ANGPT4: variants seen among roughly 807,000 people sequenced by gnomAD.
The protein encoded by ANGPT4 is angiopoietin-4.
A neutral mutation model predicts 53.0 loss-of-function variants in ANGPT4; 50 were observed. The observed-to-expected ratio is 0.94, with a 90% CI of 0.75 to 1.20. ANGPT4 has a LOEUF of 1.20. ANGPT4 is among the 50% of genes most tolerant of loss of function. The pLI, the probability that ANGPT4 is intolerant of heterozygous loss-of-function variation, is 0.00. For missense variants in ANGPT4, 648 were observed against 637.1 expected, an observed-to-expected ratio of 1.02 and a Z score of -0.18; for synonymous variants, 251 against 259.7, an observed-to-expected ratio of 0.97 and a Z score of 0.32.
intron 4 of ANGPT4, among the ~76,000 whole-genome samples, chr20:882,822 A>G (rs2122777354): frequency 6.6e-6 from 1 of 152,356 alleles, no homozygotes; most frequent in South Asian, 2.1e-4. Flanking sequence ...CAATAATATC[A>G]ACACAAAAAG....
At chr20:893,520 C>G (rs1340202849) in intron 1 of ANGPT4, among the ~76,000 whole-genome samples, 5 of 152,226 alleles carry the variant, frequency 3.3e-5, no homozygotes, top group Non-Finnish European at 5.9e-5. Context: ...CCAAATGCAT[C>G]AGGGCCCTGC....
At position 885,322 on chromosome 20, in the gene ANGPT4, C is replaced by G; in HGVS notation, c.591G>C (p.Ala197=). 1 of 1,579,670 alleles carries G rather than the reference C, an allele frequency of 6.3e-7. No individual in the cohort carries two copies. Among genetic ancestry groups the G allele is most frequent in the Non-Finnish European group, 8.6e-7 (1 of 1,168,152 alleles). ...KLQQLQGQNS[A]LEKRLQALET... is the part of the protein sequence containing the mutation. ...CCAGGGCCTGCAACCGCTTCTCGAG[C>G]GCGCTGCGGGGTAGGGGGCGCACAG... Residue 197 remains alanine, a synonymous_variant, in exon 4 of 9, where the codon GCG becomes GCC. Transcript: ENST00000381922.
At chr20:895,746 A>G (rs1982021638) in intron 1 of ANGPT4, among the ~76,000 whole-genome samples, 1 of 152,184 alleles carries the variant, frequency 6.6e-6, no homozygotes. Flanking sequence ...AAAGGAAAGA[A>G]CCATTGATGT....
chr20:874,220 G>GA (rs1348970459), intron 8 of ANGPT4, 64 bp downstream of exon 8: 1 of 1,598,450 alleles, frequency 6.3e-7, no homozygotes, highest in East Asian at 2.2e-5. Context: ...CCTGGGGAGG[G>GA]AATGGGAGTG....
intron 7 of ANGPT4, among the ~76,000 whole-genome samples, chr20:875,868 G>A (rs537051805): frequency 1.3e-5 from 2 of 152,236 alleles, no homozygotes; most frequent in East Asian, 1.9e-4. Context: ...GGTGGCTCAC[G>A]CCTGTAATCC....
In ANGPT4 at chr20:885,219, C is replaced by T. The variant is rs1176957403; in HGVS notation, c.694G>A (p.Ala232Thr). The T allele has an allele frequency of 5.0e-6, 8 of 1,591,176 alleles. No homozygotes were observed. Among genetic ancestry groups the T allele is most frequent in the East Asian group, 2.3e-5 (1 of 43,862 alleles). Residue 232 changes from alanine to threonine, a missense_variant, in exon 4 of 9, where the codon GCC becomes ACC. Ala to Thr is a moderately conservative substitution (Grantham distance 58). Transcript: ENST00000381922. ...CCGCGCTCGATGTTGGTGAGGGCGG[C>T]GCTCTGGCGGCTCAGCGTGTTCAGC... ...KLLNTLSRQS[A>T]ALTNIERGLR... is the part of the protein sequence containing the mutation.
intron 1 of ANGPT4, among the ~76,000 whole-genome samples, chr20:897,552 C>T (rs1982107660): frequency 6.6e-6 from 1 of 152,186 alleles, no homozygotes; most frequent in Non-Finnish European, 1.5e-5. Flanking sequence ...GGTGTTTAAT[C>T]ACTGCAGGGA....
chr20:884,124 C>T (rs984079475), intron 4 of ANGPT4, among the ~76,000 whole-genome samples: 14 of 152,202 alleles, frequency 9.2e-5, no homozygotes, highest in African/African-American at 3.4e-4. Context: ...CATCTCCACT[C>T]ATGGTTCCAG....
chr20:886,801 T>C (rs1981635117), intron 3 of ANGPT4, among the ~76,000 whole-genome samples: 1 of 152,242 alleles, frequency 6.6e-6, no homozygotes, highest in African/African-American at 2.4e-5. Context: ...TGTATCACTT[T>C]CATACCACTG....
intron 4 of ANGPT4, among the ~76,000 whole-genome samples, chr20:881,596 A>G (rs1414024005): frequency 6.6e-6 from 1 of 152,222 alleles, no homozygotes; most frequent in African/African-American, 2.4e-5. Context: ...ACTAAGGCTG[A>G]GGCCAAGGAG....
At position 908,098 on chromosome 20, in the gene ANGPT4, A is replaced by G. The variant is rs1360811128; in HGVS notation, c.309+7808T>C. 1.3e-5 allele frequency among the ~76,000 whole-genome samples: 2 copies of G among 152,156 alleles called. No homozygotes were observed. The highest frequency in any genetic ancestry group is 4.8e-5 in the African/African-American group (2 of 41,430). On this transcript the variant is annotated intron_variant, in intron 1 of 8. Transcript: ENST00000381922. This position sits in a 1 kb window ranked among gnomAD's most constrained non-coding sequence, Gnocchi z 4.9. ...ATCCTGCAGATGGGGTGACAGGGATAAGATTAGGGTCAGACAAAGATGGTG... is the reference window on the plus strand; with the variant it reads ...ATCCTGCAGATGGGGTGACAGGGATGAGATTAGGGTCAGACAAAGATGGTG...
In ANGPT4 at chr20:890,237, G is replaced by A; in HGVS notation, c.441C>T (p.Arg147=). The A allele has an allele frequency of 6.2e-7, 1 of 1,613,894 alleles. No homozygotes were observed. The highest frequency in any genetic ancestry group is 1.3e-5 in the African/African-American group (1 of 75,052). The change falls in exon 2 of 9, where the codon CGC becomes CGT. Residue 147 remains arginine (R), a synonymous_variant. Coordinates refer to ENST00000381922, the MANE Select transcript of ANGPT4 (RefSeq NM_015985.4). The part of the protein sequence containing the change: ...SLLNQTTAQI[R]KLTDMEAQLL... ...CCTGAGCCTCCATGTCGGTCAGCTTGCGGATCTGGGCAGTGGTCTGGTTCA... is the reference window on the plus strand; with the variant it reads ...CCTGAGCCTCCATGTCGGTCAGCTTACGGATCTGGGCAGTGGTCTGGTTCA...
chr20:879,301 C>A (rs571400471), intron 6 of ANGPT4, among the ~76,000 whole-genome samples: 67 of 152,172 alleles, frequency 4.4e-4, no homozygotes, highest in Non-Finnish European at 7.2e-4. Flanking sequence ...AATTGGAAAA[C>A]AATCGGGCTT....
intron 1 of ANGPT4, among the ~76,000 whole-genome samples, chr20:910,036 G>A (rs511465): frequency 0.016 from 2,482 of 152,272 alleles, 46 homozygotes; most frequent in African/African-American, 0.039. Context: ...CCAGGTCCCA[G>A]CTAATGCCCA....
chr20:882,790 A>G (rs746324368), intron 4 of ANGPT4, among the ~76,000 whole-genome samples: 1 of 152,258 alleles, frequency 6.6e-6, no homozygotes, highest in Non-Finnish European at 1.5e-5. Flanking sequence ...TTAGTCTACA[A>G]CAATATCAAT....
chr20:908,226 A>G lies in ANGPT4; in HGVS notation c.309+7680T>C, dbSNP rs1244613060. Reference sequence around the variant, plus strand: ...TCCCAGTCTCCATGGTCCTCCACGGAGAACAGGGTCAGGACCAGGGACATC... The same window carrying G: ...TCCCAGTCTCCATGGTCCTCCACGGGGAACAGGGTCAGGACCAGGGACATC... On this transcript the variant is annotated intron_variant, in intron 1 of 8. Transcript: ENST00000381922. The surrounding 1 kb of genome is among the most constrained non-coding windows in gnomAD (Gnocchi z 4.9). 2.6e-5 allele frequency among the ~76,000 whole-genome samples: 4 copies of G among 152,140 alleles called. No individual in the cohort carries two copies. Among genetic ancestry groups the G allele is most frequent in the Non-Finnish European group, 5.9e-5 (4 of 68,022 alleles).
At chr20:903,518 C>T (rs767048682) in intron 1 of ANGPT4, among the ~76,000 whole-genome samples, 3 of 152,326 alleles carry the variant, frequency 2.0e-5, no homozygotes, top group Admixed American at 6.5e-5. Context: ...TAGCCAGTGA[C>T]GTCCTGGTCA....
At chr20:884,621 C>T (rs1981535878) in intron 4 of ANGPT4, among the ~76,000 whole-genome samples, 2 of 152,330 alleles carry the variant, frequency 1.3e-5, no homozygotes, top group African/African-American at 4.8e-5. Context: ...CCCTCTTGGG[C>T]TTAGGGGCAG....
intron 1 of ANGPT4, among the ~76,000 whole-genome samples, chr20:907,671 A>G (rs1475839482): frequency 1.3e-5 from 2 of 152,202 alleles, no homozygotes; most frequent in African/African-American, 4.8e-5. Flanking sequence ...GAGAGGTTAA[A>G]CAACTTGTCC....
Sources: gnomAD v4.1 joint callset for allele counts (sites outside exome capture counted in the v4.1 genomes callset) on GRCh38, gnomAD v4.1.1 for gene constraint, Gnocchi (gnomAD v3.1) non-coding constraint, MANE v1.5 for transcripts, NCBI Gene and HGNC (gene_info 2026-07-23, HGNC 2026-07-21) for gene names.